MAGI1: variants seen among roughly 807,000 people sequenced by gnomAD.
The protein encoded by MAGI1 is membrane-associated guanylate kinase, WW and PDZ domain-containing protein 1.
A neutral mutation model predicts 139.9 loss-of-function variants in MAGI1; 58 were observed. The observed-to-expected ratio is 0.41, with a 90% CI of 0.34 to 0.52. MAGI1 has a LOEUF of 0.52. MAGI1 is among the 20% of genes least tolerant of loss of function. The probability of loss-of-function intolerance (pLI) is 0.12; values close to 1 mark genes in which losing one functional copy is unlikely to be tolerated. For missense variants in MAGI1, 1,874 were observed against 1,901.6 expected, an observed-to-expected ratio of 0.99 and a Z score of 0.27; for synonymous variants, 812 against 737.9, an observed-to-expected ratio of 1.10 and a Z score of -1.63.
chr3:65,403,755 C>T (rs1945100216), intron 12 of MAGI1, among the ~76,000 whole-genome samples: 1 of 152,176 alleles, frequency 6.6e-6, no homozygotes, highest in African/African-American at 2.4e-5. Flanking sequence ...GGCTGATCTT[C>T]AAATCCCTTC....
intron 1 of MAGI1, among the ~76,000 whole-genome samples, chr3:65,961,591 T>C (rs1206151908): frequency 6.6e-6 from 1 of 152,190 alleles, no homozygotes; most frequent in African/African-American, 2.4e-5. Context: ...TAGAAAATAA[T>C]ATTAAAATGA....
At chr3:65,806,541 C>T (rs990457372) in intron 1 of MAGI1, among the ~76,000 whole-genome samples, 7 of 152,170 alleles carry the variant, frequency 4.6e-5, no homozygotes, top group African/African-American at 1.7e-4. Context: ...CGTCACTTTC[C>T]ATTTTTTGCC....
chr3:65,874,327 C>T (rs772298078), intron 1 of MAGI1: 4 of 152,086 alleles, frequency 2.6e-5, no homozygotes, highest in Non-Finnish European at 4.4e-5. Context: ...TTTTTAAGAA[C>T]GTGTAGATGA....
intron 4 of MAGI1, among the ~76,000 whole-genome samples, chr3:65,472,933 T>A: frequency 6.6e-6 from 1 of 152,232 alleles, no homozygotes; most frequent in East Asian, 1.9e-4. Flanking sequence ...TTACGGACAC[T>A]GACCCTGGAG....
In MAGI1 at chr3:65,987,264, T is replaced by C. The variant is rs76483064; in HGVS notation, c.313+50732A>G. ...GGAGGGAAGAGCTTGAACTCTGCTATTCCTAATGTGCATCCTTGGGCAAGG... is the reference window on the plus strand; with the variant it reads ...GGAGGGAAGAGCTTGAACTCTGCTACTCCTAATGTGCATCCTTGGGCAAGG... On this transcript the variant is annotated intron_variant, in intron 1 of 22. Transcript: ENST00000402939. Among the ~76,000 whole-genome samples the C allele has an allele frequency of 7.1e-4, 108 of 152,322 alleles. No individual in the cohort carries two copies. The East Asian group carries it at 0.018, about 26-fold the overall frequency.
intron 7 of MAGI1, among the ~76,000 whole-genome samples, chr3:65,444,009 T>C (rs1948511387): frequency 6.6e-6 from 1 of 152,160 alleles, no homozygotes; most frequent in African/African-American, 2.4e-5. Flanking sequence ...TACAGGCTAA[T>C]TACTCAAAGT....
chr3:65,518,392 GCGCAGGCTAGGCA>G (rs1400333177), intron 2 of MAGI1, among the ~76,000 whole-genome samples: 2 of 152,186 alleles, frequency 1.3e-5, no homozygotes, highest in Non-Finnish European at 2.9e-5. Context: ...TCAGTGACTA[GCGCAGGCTAGGCA>G]CGCAGTAATT....
Position 65,379,283 on chromosome 3 carries a change from C to T in MAGI1, c.2973G>A (p.Arg991=). 6.2e-7 allele frequency: 1 copy of T among 1,612,872 alleles called. No individual in the cohort carries two copies. The highest frequency in any genetic ancestry group is 8.5e-7 in the Non-Finnish European group (1 of 1,179,434). ...CACCAAAGGTCGTGCCTGCTTCGGG[C>T]CTGCTCACCGAGGACACGATGACGA... is the stretch of plus-strand genomic sequence containing the variant. ...FGFVIVSSVS[R]PEAGTTFGNA... The change falls in exon 17 of 23, where the codon AGG becomes AGA. Residue 991 remains arginine, a synonymous_variant. Transcript: ENST00000402939.
At chr3:65,663,497 C>G (rs2086322006) in intron 1 of MAGI1, among the ~76,000 whole-genome samples, 2 of 152,074 alleles carry the variant, frequency 1.3e-5, no homozygotes, top group African/African-American at 2.4e-5. Context: ...GAAGAGGAGT[C>G]AAATGTGGAA....
chr3:65,464,959 C>T (rs1950074430), intron 5 of MAGI1, among the ~76,000 whole-genome samples: 1 of 148,784 alleles, frequency 6.7e-6, no homozygotes. Context: ...GCTTTAGGTA[C>T]TACATTACAT....
chr3:66,006,159 T>C (rs527637110), intron 1 of MAGI1, among the ~76,000 whole-genome samples: 77 of 152,334 alleles, frequency 5.1e-4, no homozygotes, highest in African/African-American at 1.8e-3. Context: ...TTATTGTCTA[T>C]TGCTCATGAG....
At chr3:65,630,746 C>T (rs2084248772) in intron 1 of MAGI1, among the ~76,000 whole-genome samples, 1 of 152,176 alleles carries the variant, frequency 6.6e-6, no homozygotes, top group African/African-American at 2.4e-5. Flanking sequence ...TAAAAGACTA[C>T]ACACTGGGTG....
chr3:65,981,535 A>G (rs1365979615), intron 1 of MAGI1, among the ~76,000 whole-genome samples: 1 of 152,216 alleles, frequency 6.6e-6, no homozygotes, highest in Non-Finnish European at 1.5e-5. Context: ...AAAATATTAT[A>G]TGAGAGACTG....
At chr3:65,465,047 T>A (rs2107554741) in intron 5 of MAGI1, among the ~76,000 whole-genome samples, 1 of 149,548 alleles carries the variant, frequency 6.7e-6, no homozygotes, top group African/African-American at 2.4e-5. Context: ...ACTGGCATTA[T>A]CATTTTACCG....
chr3:65,775,592 A>G (rs1559870719), intron 1 of MAGI1, among the ~76,000 whole-genome samples: 1 of 151,368 alleles, frequency 6.6e-6, no homozygotes, highest in Non-Finnish European at 1.5e-5. Flanking sequence ...GTGCAGTTAC[A>G]TACACCAAAG....
intron 1 of MAGI1, among the ~76,000 whole-genome samples, chr3:65,672,060 T>C (rs2086895759): frequency 6.6e-6 from 1 of 152,160 alleles, no homozygotes; most frequent in South Asian, 2.1e-4. Flanking sequence ...TTTCCCATTA[T>C]GCAAAGTGGT....
chr3:65,736,444 T>C (rs913668912), intron 1 of MAGI1, among the ~76,000 whole-genome samples: 1 of 152,178 alleles, frequency 6.6e-6, no homozygotes, highest in Non-Finnish European at 1.5e-5. Flanking sequence ...GACTGGCTCA[T>C]GTGAATTGGC....
At chr3:65,554,188 C>G (rs571028560) in intron 2 of MAGI1, among the ~76,000 whole-genome samples, 1 of 152,142 alleles carries the variant, frequency 6.6e-6, no homozygotes, top group African/African-American at 2.4e-5. Context: ...GACATCACTT[C>G]CCTTTGAGAA....
chr3:66,010,257 AG>A (rs1371265570), intron 1 of MAGI1, among the ~76,000 whole-genome samples: 1 of 152,174 alleles, frequency 6.6e-6, no homozygotes, highest in African/African-American at 2.4e-5. Flanking sequence ...TACAACAAAA[AG>A]TATACAGAAA....
Sources: gnomAD v4.1 joint callset for allele counts (sites outside exome capture counted in the v4.1 genomes callset) on GRCh38, gnomAD v4.1.1 for gene constraint, MANE v1.5 for transcripts, NCBI Gene and HGNC (gene_info 2026-07-23, HGNC 2026-07-21) for gene names.